MARVELD3: variants seen among roughly 807,000 people sequenced by gnomAD.
MARVELD3 encodes the protein MARVEL domain containing 3, also known as MARVEL domain-containing protein 3.
A neutral mutation model predicts 33.5 loss-of-function variants in MARVELD3; 28 were observed. That is an observed-to-expected ratio of 0.84 (90% CI 0.62 to 1.15). The LOEUF is 1.15. MARVELD3 is among the 50% of genes most tolerant of loss of function. The probability of loss-of-function intolerance (pLI) is 0.00; values close to 1 mark genes in which losing one functional copy is unlikely to be tolerated. For synonymous variants in MARVELD3, 241 were observed against 230.4 expected (o/e 1.05, Z -0.42); for missense variants, 582 against 547.6 (o/e 1.06, Z -0.63).
intron 2 of MARVELD3, among the ~76,000 whole-genome samples, 189 bp from the exon 3 acceptor site, chr16:71,634,004 G>C (rs1385886322): frequency 6.6e-6 from 1 of 152,076 alleles, no homozygotes; most frequent in East Asian, 1.9e-4. Context: ...TAGTATTTCT[G>C]GCACCATTTC....
Position 71,634,478 on chromosome 16 carries a change from G to A in MARVELD3, c.881G>A (p.Arg294Gln), listed in dbSNP as rs1249302655. 3.1e-6 allele frequency: 5 copies of A among 1,614,156 alleles called. No homozygotes were observed. Among genetic ancestry groups the A allele is most frequent in the African/African-American group, 1.3e-5 (1 of 75,026 alleles). ...CTCTTCGTTGCCATGGGTGTCCTGC[G>A]GGTCCCGTGGCATTGTCCACTGTTG... Reference protein sequence around the residue: ...CCLFVAMGVLRVPWHCPLLLV... With the variant: ...CCLFVAMGVLQVPWHCPLLLV... The change falls in exon 3 of 3, where the codon CGG (arginine) becomes CAG (glutamine). Residue 294 changes from arginine to glutamine, a missense_variant. By Grantham distance (43) the Arg-to-Gln change is conservative. Transcript: ENST00000268485.
At chr16:71,631,736 A>G (rs1022077510) in intron 2 of MARVELD3, among the ~76,000 whole-genome samples, 1 of 152,100 alleles carries the variant, frequency 6.6e-6, no homozygotes, top group Non-Finnish European at 1.5e-5. Context: ...ATGAGCCACC[A>G]CGCCTGGCCA....
At chr16:71,630,096 A>AG (rs2044518126) in intron 2 of MARVELD3, among the ~76,000 whole-genome samples, 1 of 150,706 alleles carries the variant, frequency 6.6e-6, no homozygotes, top group African/African-American at 2.4e-5. Context: ...AAAAAAAAAA[A>AG]AGGGAAAAAG....
At chr16:71,638,339 C>G (rs2044595071), downstream of MARVELD3, 1 of 152,412 alleles carries the variant, frequency 6.6e-6, no homozygotes, top group African/African-American at 2.4e-5. Flanking sequence ...TCGAAGGCCA[C>G]TTAACAAAAT....
rs2044572280 is a variant in MARVELD3 at position 71,635,204 on chromosome 16, C to T, written c.*401C>T. 3 of 759,440 alleles carry T rather than the reference C, an allele frequency of 4.0e-6. No homozygotes were observed. In the African/African-American group the frequency reaches 5.7e-5, roughly 14 times the overall value. The allele number at this position is 759,440 out of a possible 1,614,324, so 47.0% of individuals were successfully genotyped here. ...ATTAGCCAGGCGTGGTGGCGGGCGC[C>T]TGTAATCCCAGCTACTTGGGAGGCT... On this transcript the variant is annotated 3_prime_UTR_variant, in exon 3 of 3. Transcript: ENST00000268485.
At chr16:71,639,813 C>G (rs1366452708), downstream of MARVELD3, among the ~76,000 whole-genome samples, 1 of 152,114 alleles carries the variant, frequency 6.6e-6, no homozygotes, top group Non-Finnish European at 1.5e-5. Context: ...GTTTGTGTAA[C>G]CAGAGTCACC....
At chr16:71,634,121 T>A in intron 2 of MARVELD3, 72 bp from the exon 3 acceptor site, 1 of 1,543,214 alleles carries the variant, frequency 6.5e-7, no homozygotes. Flanking sequence ...GCGCGGAAGG[T>A]GGGCCTCAGG....
rs777469617 is a variant in MARVELD3, at chr16:71,629,405, G to C, written c.506G>C (p.Arg169Thr). The C allele has an allele frequency of 6.3e-7, 1 of 1,575,560 alleles. No individual in the cohort carries two copies. ...PSERYLPSTPRPGREEVEYYQ... is the reference protein window; with the variant it reads ...PSERYLPSTPTPGREEVEYYQ... ...GAGAGATATCTGCCCTCGACCCCCA[G>C]GCCTGGACGAGAGGAGGTGGAATAT... Residue 169 changes from arginine to threonine, a missense_variant, in exon 2 of 3, where the codon AGG (arginine) becomes ACG (threonine). By Grantham distance (71) the Arg-to-Thr change is moderately conservative. Transcript: ENST00000268485.
At chr16:71,641,095 C>G, downstream of MARVELD3, 1 of 1,511,494 alleles carries the variant, frequency 6.6e-7, no homozygotes, top group Non-Finnish European at 8.9e-7. Flanking sequence ...TAAAACTCCG[C>G]ATTAGACAAC....
At chr16:71,639,726 C>T (rs960734397), downstream of MARVELD3, among the ~76,000 whole-genome samples, 1 of 152,052 alleles carries the variant, frequency 6.6e-6, no homozygotes, top group African/African-American at 2.4e-5. Context: ...AGATTACAGG[C>T]GTGAGCCACT....
chr16:71,627,503 CAAA>C (rs527720211), intron 1 of MARVELD3, among the ~76,000 whole-genome samples: 2 of 100,424 alleles, frequency 2.0e-5, no homozygotes. Context: ...GACTCCGTCT[CAAA>C]AAAAAAAAAA....
chr16:71,626,338 C>A lies in MARVELD3; in HGVS notation c.109C>A (p.Arg37=). 1.3e-6 allele frequency: 2 copies of A among 1,548,186 alleles called. No homozygotes were observed. The highest frequency in any genetic ancestry group is 1.4e-5 in the African/African-American group (1 of 73,058). The change falls in exon 1 of 3, where the codon CGA becomes AGA. Residue 37 remains arginine, a synonymous_variant. Coordinates refer to ENST00000268485, the MANE Select transcript of MARVELD3 (RefSeq NM_052858.6). The surrounding 1 kb of genome is among the most constrained non-coding windows in gnomAD (Gnocchi z 5.3). ...CCGCACCCACGATCGACCGCGGGAC[C>A]GACCCGGGGACCCGCGCAGGAAGCG... ...QGRTHDRPRD[R]PGDPRRKRSS...
Position 71,634,237 on chromosome 16 carries a change from GC to G in MARVELD3, c.642del (p.Cys215AlafsTer51). 2 of 1,612,016 alleles carry G rather than the reference GC, an allele frequency of 1.2e-6. No homozygotes were observed. Among genetic ancestry groups the G allele is most frequent in the Non-Finnish European group, 1.7e-6 (2 of 1,178,240 alleles). The part of the protein sequence containing the change: ...LEVLLNLLIL[A>X]CSSVSYSSTG... ...GGTTCTCCTGAACTTGCTGATCCTG[GC>G]CTGCAGCTCTGTGTCTTACAGTTCC... On this transcript the variant is annotated frameshift_variant, in exon 3 of 3. Transcript: ENST00000268485. LOFTEE classifies it high-confidence loss of function.
chr16:71,638,136 T>C (rs1388568916), downstream of MARVELD3: 1 of 152,228 alleles, frequency 6.6e-6, no homozygotes, highest in Admixed American at 6.5e-5. Flanking sequence ...CAGGAGACCC[T>C]CTCCCAGAAG....
chr16:71,631,792 T>TA (rs2044536958), intron 2 of MARVELD3, among the ~76,000 whole-genome samples: 3 of 151,902 alleles, frequency 2.0e-5, no homozygotes, highest in South Asian at 2.1e-4. Flanking sequence ...ACCCTGTCTG[T>TA]AAAAAAAAGA....
rs768815256 is a variant in MARVELD3, at chr16:71,634,507, G to T, written c.910G>T (p.Val304Leu). The change falls in exon 3 of 3, where the codon GTG becomes TTG. Residue 304 changes from valine (V) to leucine (L), a missense_variant. Coordinates refer to ENST00000268485, the MANE Select transcript of MARVELD3 (RefSeq NM_052858.6). ...CCCGTGGCATTGTCCACTGTTGCTGGTGACCGAAGGCTTGTTGGACATGCT... is the reference window on the plus strand; with the variant it reads ...CCCGTGGCATTGTCCACTGTTGCTGTTGACCGAAGGCTTGTTGGACATGCT... ...RVPWHCPLLL[V>L]TEGLLDMLIA... 6.2e-7 allele frequency: 1 copy of T among 1,614,190 alleles called. No homozygotes were observed. Among genetic ancestry groups the T allele is most frequent in the East Asian group, 2.2e-5 (1 of 44,886 alleles).
rs1189957028 is a variant in MARVELD3, at chr16:71,629,385, A to G, written c.486A>G (p.Arg162=). ...RRPESEPPSE[R]YLPSTPRPGR... is the part of the protein sequence containing the mutation. ...GTTATAGTGAACCCCCTTCGGAGAG[A>G]TATCTGCCCTCGACCCCCAGGCCTG... Residue 162 remains arginine (R), a synonymous_variant, in exon 2 of 3, where the codon AGA becomes AGG. Coordinates refer to ENST00000268485, the MANE Select transcript of MARVELD3 (RefSeq NM_052858.6). 2 of 1,563,272 alleles carry G rather than the reference A, an allele frequency of 1.3e-6. No individual in the cohort carries two copies. The highest frequency in any genetic ancestry group is 1.7e-6 in the Non-Finnish European group (2 of 1,160,310).
rs1597078393 is a variant in MARVELD3, at chr16:71,635,550, T to C, written c.*747T>C. The C allele has an allele frequency of 1.0e-6, 1 of 982,128 alleles. No homozygotes were observed. The highest frequency in any genetic ancestry group is 6.2e-5 in the Admixed American group (1 of 16,164). 60.8% of individuals were successfully genotyped at this position (982,128 alleles called of 1,614,324 possible). A position where few individuals can be genotyped will look rare whatever the true frequency, so the allele number is the denominator to read the frequency against. ...TGAACCCAGGAGTTCAAGTTTGCAG[T>C]GCGCTATGATTGTCCCACTACACTC... On this transcript the variant is annotated 3_prime_UTR_variant, in exon 3 of 3. Transcript: ENST00000268485.
Position 71,634,271 on chromosome 16 carries a change from G to A in MARVELD3, c.674G>A (p.Gly225Asp), listed in dbSNP as rs772060113. Residue 225 changes from glycine to aspartate, a missense_variant, in exon 3 of 3, where the codon GGC (glycine) becomes GAC (aspartate). Physicochemically the swap from Gly to Asp is moderately conservative, Grantham distance 94 (BLOSUM62 -1). Coordinates refer to ENST00000268485, the MANE Select transcript of MARVELD3 (RefSeq NM_052858.6). Reference protein sequence around the residue: ...CSSVSYSSTGGYTGITSLGGI... With the variant: ...CSSVSYSSTGDYTGITSLGGI... ...TCTGTGTCTTACAGTTCCACAGGGG[G>A]CTACACGGGCATCACCAGCTTGGGG... 6.2e-7 allele frequency: 1 copy of A among 1,614,212 alleles called. No individual in the cohort carries two copies. Among genetic ancestry groups the A allele is most frequent in the Non-Finnish European group, 8.5e-7 (1 of 1,180,038 alleles).
Sources: allele counts gnomAD v4.1 joint callset (sites outside exome capture counted in the v4.1 genomes callset), GRCh38; gene constraint gnomAD v4.1.1; non-coding constraint Gnocchi (gnomAD v3.1); transcripts MANE v1.5; gene names NCBI Gene and HGNC (gene_info 2026-07-23, HGNC 2026-07-21).